The following SLC35F4 variants were observed in gnomAD, a reference collection of about 807,000 sequenced individuals.
The protein encoded by SLC35F4 is chromosome 14 open reading frame 36.
Under a neutral mutation model 44.2 loss-of-function variants are expected in SLC35F4, and 24 were observed. That is an observed-to-expected ratio of 0.54 (90% CI 0.39 to 0.76). SLC35F4 has a LOEUF of 0.76. Ranked by LOEUF, SLC35F4 falls within the 30% of genes least tolerant of loss-of-function variation. SLC35F4 has a pLI of 0.00. For synonymous variants in SLC35F4, 238 were observed against 223.6 expected (o/e 1.06, Z -0.57); for missense variants, 562 against 586.1 (o/e 0.96, Z 0.42).
chr14:57,789,274 G>C (rs2061365760), intron 1 of SLC35F4, among the ~76,000 whole-genome samples: 1 of 151,934 alleles, frequency 6.6e-6, no homozygotes, highest in African/African-American at 2.4e-5. Flanking sequence ...AGAAAAGAGA[G>C]GAGAATCAAA....
In SLC35F4 at chr14:57,618,760, G is replaced by A. The variant is rs180887683; in HGVS notation, c.104-24636C>T. 1.2e-4 allele frequency among the ~76,000 whole-genome samples: 18 copies of A among 152,242 alleles called. No individual in the cohort carries two copies. In the East Asian group the frequency reaches 1.5e-3, roughly 13 times the overall value. The stretch of plus-strand genomic sequence containing the variant: ...TGGTCTGCCTTGGCAGGTCCCACCC[G>A]CACAGAACCCAGCAAGCTAAGATCC... On this transcript the variant is annotated intron_variant, in intron 1 of 7. Coordinates refer to ENST00000556826, the MANE Select transcript of SLC35F4 (RefSeq NM_001306087.2).
intron 1 of SLC35F4, among the ~76,000 whole-genome samples, chr14:57,745,536 T>G (rs376068367): frequency 6.6e-6 from 1 of 151,968 alleles, no homozygotes; most frequent in Admixed American, 6.6e-5. Flanking sequence ...ACAATGAGAT[T>G]CCATCTCACA....
At chr14:57,888,409 A>G (rs951710224) in intron 1 of SLC35F4, among the ~76,000 whole-genome samples, 1 of 152,170 alleles carries the variant, frequency 6.6e-6, no homozygotes, top group African/African-American at 2.4e-5. Flanking sequence ...AGACTCTGGG[A>G]CCAGAAAGAC....
chr14:57,574,336 A>G lies in SLC35F4; in HGVS notation c.808-2317T>C, dbSNP rs148393282. ...ACTCGTTATATTCAAGTGCTTGTGAAAATATTAGCCTGGACCACTTAAATT... is the reference window on the plus strand; with the variant it reads ...ACTCGTTATATTCAAGTGCTTGTGAGAATATTAGCCTGGACCACTTAAATT... On this transcript the variant is annotated intron_variant, in intron 4 of 7. Transcript: ENST00000556826. 2.9e-3 allele frequency among the ~76,000 whole-genome samples: 448 copies of G among 152,342 alleles called. 3 individuals are homozygous for G. The highest frequency in any genetic ancestry group is 0.01 in the African/African-American group (425 of 41,578).
At chr14:57,661,037 A>G (rs2074120945) in intron 1 of SLC35F4, among the ~76,000 whole-genome samples, 1 of 152,170 alleles carries the variant, frequency 6.6e-6, no homozygotes, top group Admixed American at 6.6e-5. Flanking sequence ...ACTGTAGGTG[A>G]ACTTAGACAA....
intron 1 of SLC35F4, among the ~76,000 whole-genome samples, chr14:57,722,180 G>C (rs149689055): frequency 5.0e-4 from 76 of 152,326 alleles, no homozygotes; most frequent in African/African-American, 1.7e-3. Context: ...CAAATTTATT[G>C]ATTTGGTCCC....
chr14:57,756,751 C>G lies in SLC35F4; in HGVS notation c.103+108972G>C, dbSNP rs528142121. Among the ~76,000 whole-genome samples, 15 of 152,074 alleles carry G rather than the reference C, an allele frequency of 9.9e-5. No individual in the cohort carries two copies. The South Asian group carries it at 3.1e-3, about 32-fold the overall frequency. ...CTCCCTGCAGCCTTGACCTCCCAGGCTCAAGCAACCCTCCCATCTTGGCCT... is the reference window on the plus strand; with the variant it reads ...CTCCCTGCAGCCTTGACCTCCCAGGGTCAAGCAACCCTCCCATCTTGGCCT... On this transcript the variant is annotated intron_variant, in intron 1 of 7. Coordinates refer to ENST00000556826, the MANE Select transcript of SLC35F4 (RefSeq NM_001306087.2).
In SLC35F4 at chr14:57,571,931, A is replaced by G; in HGVS notation, c.896T>C (p.Phe299Ser). ...FHADSIIGVA[F>S]AVGSASTSAL... Reference sequence around the variant, plus strand: ...AGATGTAGAGGCTGAGCCCACCGCAAATGCCACTCCTATGATGGAATCAGC... The same window carrying G: ...AGATGTAGAGGCTGAGCCCACCGCAGATGCCACTCCTATGATGGAATCAGC... The change falls in exon 5 of 8, where the codon TTT becomes TCT. Residue 299 changes from phenylalanine to serine, a missense_variant. Physicochemically the swap from Phe to Ser is radical, Grantham distance 155. Coordinates refer to ENST00000556826, the MANE Select transcript of SLC35F4 (RefSeq NM_001306087.2). 6.2e-7 allele frequency: 1 copy of G among 1,612,808 alleles called. No homozygotes were observed. The highest frequency in any genetic ancestry group is 8.5e-7 in the Non-Finnish European group (1 of 1,179,334).
rs753712917 is a variant in SLC35F4, at chr14:57,593,923, G to A, written c.289+16C>T. The A allele has an allele frequency of 2.4e-5, 38 of 1,611,604 alleles. No individual in the cohort carries two copies. The Admixed American group carries it at 6.2e-4, about 26-fold the overall frequency. On this transcript the variant is annotated intron_variant, in intron 2 of 7. Transcript: ENST00000556826. The stretch of plus-strand genomic sequence containing the variant: ...ACTAGGATGTACCGTTATTTAAGAG[G>A]AGGTCACCCACATACCTGATCTGTT...
chr14:57,716,620 A>T (rs548607347), intron 1 of SLC35F4, among the ~76,000 whole-genome samples: 3 of 152,350 alleles, frequency 2.0e-5, no homozygotes, highest in Admixed American at 2.0e-4. Flanking sequence ...GGCACAAAAT[A>T]ATTGTACATA....
intron 1 of SLC35F4, among the ~76,000 whole-genome samples, chr14:57,804,465 C>T (rs1328553452): frequency 3.3e-5 from 5 of 152,056 alleles, no homozygotes; most frequent in Admixed American, 1.3e-4. Flanking sequence ...GAAATAAGAC[C>T]GCACACCTAC....
At chr14:57,738,261 G>A (rs955746504) in intron 1 of SLC35F4, among the ~76,000 whole-genome samples, 2 of 152,082 alleles carry the variant, frequency 1.3e-5, no homozygotes, top group African/African-American at 4.8e-5. Context: ...AGTGTCACAG[G>A]GAGTATAAAT....
chr14:57,937,630 GAAAAGAAAAGAAAAGAAAAGAA>G (rs1382710088), intron 1 of SLC35F4, among the ~76,000 whole-genome samples: 70 of 123,920 alleles, frequency 5.6e-4, no homozygotes, highest in African/African-American at 1.8e-3. Flanking sequence ...GAAAAGAAAA[GAAAAGAAAAGAAAAGAAAAGAA>G]AAAAGAAAAG....
At chr14:57,911,850 T>C (rs1889221316) in intron 1 of SLC35F4, among the ~76,000 whole-genome samples, 1 of 152,024 alleles carries the variant, frequency 6.6e-6, no homozygotes, top group South Asian at 2.1e-4. Flanking sequence ...TTGTAGATAA[T>C]TGGCTTAATT....
In SLC35F4 at chr14:57,925,641, C is replaced by CTT. The variant is rs11438270; in HGVS notation, n.282+56270_282+56271dup. Among the ~76,000 whole-genome samples, 407 of 134,730 alleles carry CTT rather than the reference C, an allele frequency of 3.0e-3. 5 individuals are homozygous for CTT. The highest frequency in any genetic ancestry group is 0.02 in the Middle Eastern group (5 of 246). The allele number at this position is 134,730 out of a possible 152,430, so 88.4% of individuals were successfully genotyped here. On this transcript the variant is annotated intron_variant and non_coding_transcript_variant, in intron 1 of 1. Transcript: ENST00000556568. ...ATGTTCTGAACTAAGCTTGAAGGAG[C>CTT]TTTTTTTTTTTTTAATAAAAATGGC...
At chr14:57,945,617 T>C (rs567534355) in intron 1 of SLC35F4, among the ~76,000 whole-genome samples, 2 of 152,152 alleles carry the variant, frequency 1.3e-5, no homozygotes, top group South Asian at 4.1e-4. Context: ...TAATGACTTC[T>C]TTTCCCCTGG....
intron 1 of SLC35F4, among the ~76,000 whole-genome samples, chr14:57,668,512 G>T (rs1188861822): frequency 6.6e-6 from 1 of 152,044 alleles, no homozygotes; most frequent in South Asian, 2.1e-4. Flanking sequence ...TTTGTATAAG[G>T]TGTAAGGAAG....
intron 3 of SLC35F4, among the ~76,000 whole-genome samples, chr14:57,588,840 C>T (rs2139883976): frequency 6.6e-6 from 1 of 152,230 alleles, no homozygotes. Flanking sequence ...TAAAACACGA[C>T]TTTCAGAAAT....
At chr14:57,822,496 A>T (rs1404715273) in intron 1 of SLC35F4, among the ~76,000 whole-genome samples, 1 of 152,148 alleles carries the variant, frequency 6.6e-6, no homozygotes, top group Non-Finnish European at 1.5e-5. Context: ...CACCTAAAAA[A>T]TTCTGGTTGT....
Sources: gnomAD v4.1 joint callset for allele counts (sites outside exome capture counted in the v4.1 genomes callset) on GRCh38, gnomAD v4.1.1 for gene constraint, MANE v1.5 for transcripts, NCBI Gene and HGNC (gene_info 2026-07-23, HGNC 2026-07-21) for gene names.